The following RBM10 variants were observed in gnomAD, a reference collection of about 807,000 sequenced individuals.
The protein encoded by RBM10 is RNA binding motif protein 10, also known as RNA-binding protein 10.
A neutral mutation model predicts 84.9 loss-of-function variants in RBM10; 1 was observed. The observed-to-expected ratio is 0.01, with a 90% confidence interval of 0.00 to 0.06. RBM10 has a LOEUF of 0.06. RBM10 is among the 10% of genes least tolerant of loss of function. The probability of loss-of-function intolerance (pLI) is 1.00; values close to 1 mark genes in which losing one functional copy is unlikely to be tolerated. For synonymous variants in RBM10, 326 were observed against 344.5 expected, an observed-to-expected ratio of 0.95 and a Z score of 0.60; for missense variants, 438 against 839.0, an observed-to-expected ratio of 0.52 and a Z score of 5.90.
chrX:47,159,812 A>G (rs957952550), intron 2 of RBM10, among the ~76,000 whole-genome samples: 2 of 111,854 alleles, frequency 1.8e-5, no homozygotes, highest in Admixed American at 9.5e-5. Context: ...CTCACCATAT[A>G]CAAAAATTAA....
chrX:47,167,034 C>T (rs781961712), intron 2 of RBM10, among the ~76,000 whole-genome samples: 3 of 110,618 alleles, frequency 2.7e-5, no homozygotes, highest in Admixed American at 1.9e-4. Context: ...CTCACCCTCC[C>T]AAAGTGCTGG....
intron 7 of RBM10, among the ~76,000 whole-genome samples, chrX:47,178,839 AGAG>A (rs1273507105): frequency 1.8e-5 from 2 of 111,816 alleles, no homozygotes; most frequent in African/African-American, 6.5e-5. Flanking sequence ...CAGAGGAAGG[AGAG>A]GAGGGAGTTG....
At chrX:47,169,229 C>T in intron 2 of RBM10, 86 bp from the exon 3 acceptor site, 1 of 979,768 alleles carries the variant, frequency 1.0e-6, no homozygotes, top group Non-Finnish European at 1.4e-6. Flanking sequence ...AAAACCAAAA[C>T]CCTACGAGAA....
chrX:47,162,498 T>G (rs1933797910), intron 2 of RBM10, among the ~76,000 whole-genome samples: 1 of 111,794 alleles, frequency 8.9e-6, no homozygotes, highest in African/African-American at 3.3e-5. Flanking sequence ...CTCCAAATAA[T>G]GTAGATACTC....
At chrX:47,147,096 GTC>G (rs1932315500) in intron 1 of RBM10, among the ~76,000 whole-genome samples, 1 of 111,731 alleles carries the variant, frequency 9.0e-6, no homozygotes, top group African/African-American at 3.3e-5. Context: ...GCCCCGCCAG[GTC>G]TCTCTGCAAG....
chrX:47,183,983 G>T (rs1602599315), intron 17 of RBM10, among the ~76,000 whole-genome samples: 1 of 111,440 alleles, frequency 9.0e-6, no homozygotes, highest in Non-Finnish European at 1.9e-5. Context: ...ATAGGCATGA[G>T]CTACCGCGCC....
intron 2 of RBM10, among the ~76,000 whole-genome samples, chrX:47,163,886 T>TTTTTTA (rs1933944544): frequency 1.2e-5 from 1 of 82,373 alleles, no homozygotes; most frequent in African/African-American, 4.9e-5. Context: ...TTTTTTTTTT[T>TTTTTTA]GAGACGGAGT....
intron 2 of RBM10, among the ~76,000 whole-genome samples, chrX:47,154,990 A>G (rs902986103): frequency 3.9e-4 from 42 of 107,257 alleles, no homozygotes; most frequent in Middle Eastern, 9.6e-3. Context: ...TACTAAAAAT[A>G]CAAAAAATTA....
chrX:47,176,944 A>G (rs1383741815), intron 7 of RBM10, among the ~76,000 whole-genome samples: 1 of 111,281 alleles, frequency 9.0e-6, no homozygotes, highest in African/African-American at 3.3e-5. Context: ...GGTGTGGAGA[A>G]TGTGGGCTTC....
At chrX:47,155,528 C>G (rs1035235393) in intron 2 of RBM10, among the ~76,000 whole-genome samples, 1 of 108,344 alleles carries the variant, frequency 9.2e-6, no homozygotes, top group Non-Finnish European at 1.9e-5. Context: ...GTCAGGAGAT[C>G]AAGACCATCC....
intron 2 of RBM10, among the ~76,000 whole-genome samples, chrX:47,155,146 CAA>C (rs782034292): frequency 1.1e-4 from 3 of 27,354 alleles, no homozygotes; most frequent in Admixed American, 4.6e-4. Context: ...GACTCCCTCT[CAA>C]AAAAAAAAAA....
Position 47,159,176 on chromosome X carries a change from G to A in RBM10, c.18-10139G>A, listed in dbSNP as rs60388949. ...AGTAATCCCATCACTTTGAGAGGCCGAGGTGGGCAGATCACCTGAGGTAGG... is the reference window on the plus strand; with the variant it reads ...AGTAATCCCATCACTTTGAGAGGCCAAGGTGGGCAGATCACCTGAGGTAGG... On this transcript the variant is annotated intron_variant, in intron 2 of 23. Transcript: ENST00000377604. Among the ~76,000 whole-genome samples, 15 of 112,248 alleles carry A rather than the reference G, an allele frequency of 1.3e-4. No homozygotes were observed. In the East Asian group the frequency reaches 4.2e-3, roughly 31 times the overall value.
chrX:47,184,984 G>A lies in RBM10; in HGVS notation c.1951-71G>A, dbSNP rs782518501. ...CGTGTTTGAGGATGCAGGGCAGTGG[G>A]TCAGCAGATAGAGTTAGTAGCCCCA... On this transcript the variant is annotated intron_variant, in intron 17 of 23. Coordinates refer to ENST00000377604, the MANE Select transcript of RBM10 (RefSeq NM_005676.5). The A allele has an allele frequency of 3.2e-3, 3,575 of 1,123,624 alleles. 4 individuals carry two copies. The highest frequency in any genetic ancestry group is 3.6e-3 in the Non-Finnish European group (3,041 of 836,349). The allele number at this position is 1,123,624 out of a possible 1,213,427, so 92.6% of individuals were successfully genotyped here.
At chrX:47,172,074 G>A (rs1200180340) in intron 4 of RBM10, among the ~76,000 whole-genome samples, 2 of 112,339 alleles carry the variant, frequency 1.8e-5, no homozygotes, top group Non-Finnish European at 3.8e-5. Flanking sequence ...ATCTCAGGGT[G>A]GGCCATGTGT....
intron 2 of RBM10, among the ~76,000 whole-genome samples, chrX:47,151,953 G>A (rs1462981180): frequency 1.8e-5 from 2 of 111,764 alleles, no homozygotes; most frequent in Non-Finnish European, 3.8e-5. Context: ...GCCTGGCATG[G>A]TGGATCACAG....
chrX:47,151,241 G>A (rs1170048537), intron 2 of RBM10, among the ~76,000 whole-genome samples: 1 of 110,654 alleles, frequency 9.0e-6, no homozygotes, highest in Non-Finnish European at 1.9e-5. Context: ...ATGTTGTCCA[G>A]GCTGATCTTG....
At position 47,152,799 on chromosome X, in the gene RBM10, A is replaced by G. The variant is rs1374265351; in HGVS notation, c.17+5301A>G. On this transcript the variant is annotated intron_variant, in intron 2 of 23. Transcript: ENST00000377604. ...GACACACACACACACACACACACAC[A>G]CACACACACACACACACGTTTTTTT... 3.8e-5 allele frequency among the ~76,000 whole-genome samples: 4 copies of G among 105,529 alleles called. No homozygotes were observed. In the East Asian group the frequency reaches 1.2e-3, roughly 32 times the overall value. 91.6% of individuals were successfully genotyped at this position (105,529 alleles called of 115,157 possible).
chrX:47,162,378 G>A (rs1275591686), intron 2 of RBM10, among the ~76,000 whole-genome samples: 2 of 112,133 alleles, frequency 1.8e-5, no homozygotes, highest in African/African-American at 6.5e-5. Context: ...TTGGACTGTT[G>A]TAAATCTGTT....
chrX:47,149,522 G>T (rs782733611), intron 2 of RBM10, among the ~76,000 whole-genome samples: 1 of 107,896 alleles, frequency 9.3e-6, no homozygotes, highest in African/African-American at 3.4e-5. Flanking sequence ...CACCACGCCT[G>T]GCTAATTTTG....
Sources: gnomAD v4.1 joint callset for allele counts (sites outside exome capture counted in the v4.1 genomes callset) on GRCh38, gnomAD v4.1.1 for gene constraint, MANE v1.5 for transcripts, NCBI Gene and HGNC (gene_info 2026-07-23, HGNC 2026-07-21) for gene names.